The following TTLL5 variants were observed in gnomAD, a reference collection of about 807,000 sequenced individuals.
TTLL5 encodes tubulin tyrosine ligase like 5, also known as tubulin polyglutamylase TTLL5.
A neutral mutation model predicts 168.4 loss-of-function variants in TTLL5; 132 were observed. The ratio of observed to expected loss-of-function variants is 0.78; its 90% confidence interval spans 0.68 to 0.91. The LOEUF (loss-of-function observed/expected upper bound fraction) is 0.91. Ranked by LOEUF, TTLL5 falls within the 40% of genes least tolerant of loss-of-function variation. TTLL5 has a pLI of 0.00. For missense variants in TTLL5, 1,545 were observed against 1,581.5 expected (o/e 0.98, Z 0.39); for synonymous variants, 546 against 558.6 (o/e 0.98, Z 0.32).
At chr14:75,908,940 C>G (rs2033257299) in intron 31 of TTLL5, among the ~76,000 whole-genome samples, 1 of 151,996 alleles carries the variant, frequency 6.6e-6, no homozygotes, top group East Asian at 1.9e-4. Flanking sequence ...CAATGCACAG[C>G]TAATTTTTCA....
At chr14:75,725,723 A>G (rs1888151233) in intron 12 of TTLL5, among the ~76,000 whole-genome samples, 2 of 152,180 alleles carry the variant, frequency 1.3e-5, no homozygotes, top group African/African-American at 4.8e-5. Context: ...ATACTCAGGA[A>G]AAATGATATC....
chr14:75,727,206 G>A (rs758020729), intron 12 of TTLL5, among the ~76,000 whole-genome samples: 21 of 152,162 alleles, frequency 1.4e-4, no homozygotes, highest in African/African-American at 3.6e-4. Flanking sequence ...CAGAAGAACC[G>A]AAACCATATG....
intron 30 of TTLL5, 109 bp downstream of exon 30, chr14:75,883,011 A>C: frequency 8.4e-7 from 1 of 1,195,736 alleles, no homozygotes; most frequent in South Asian, 1.6e-5. Flanking sequence ...TGGAAACAAG[A>C]ACACCTGCTG....
chr14:75,881,787 A>T (rs1402076815), intron 29 of TTLL5, among the ~76,000 whole-genome samples: 1 of 152,208 alleles, frequency 6.6e-6, no homozygotes, highest in Non-Finnish European at 1.5e-5. Flanking sequence ...GCATGTTGAA[A>T]GCAGTATTAA....
chr14:75,816,976 T>TA (rs1894454813), intron 27 of TTLL5, among the ~76,000 whole-genome samples: 1 of 137,748 alleles, frequency 7.3e-6, no homozygotes, highest in African/African-American at 2.7e-5. Context: ...CCTGTCTTAT[T>TA]TTTTTTTTTT....
intron 13 of TTLL5, among the ~76,000 whole-genome samples, chr14:75,733,035 A>G (rs1888643201): frequency 1.3e-5 from 2 of 152,246 alleles, no homozygotes; most frequent in Admixed American, 1.3e-4. Flanking sequence ...TGAGAACTCT[A>G]GAGATTTATG....
At position 75,746,204 on chromosome 14, in the gene TTLL5, AG is replaced by A. The variant is rs1889599533; in HGVS notation, c.1487+624del. ...GTATCTGGACTCTTTTGTTCAGCGT[AG>A]TGTTTTTCATATTCATATGTGTTGG... On this transcript the variant is annotated intron_variant, in intron 17 of 31. Transcript: ENST00000298832. Among the ~76,000 whole-genome samples, 7 of 152,196 alleles carry A rather than the reference AG, an allele frequency of 4.6e-5. 1 individual carries two copies. In the South Asian group the frequency reaches 1.5e-3, roughly 32 times the overall value.
Position 75,677,388 on chromosome 14 carries a change from C to CT in TTLL5, c.182-4156dup, listed in dbSNP as rs1884247158. On this transcript the variant is annotated intron_variant, in intron 3 of 31. Coordinates refer to ENST00000298832, the MANE Select transcript of TTLL5 (RefSeq NM_015072.5). ...CTAGAGATTCTCTTTCTCTCTCTCT[C>CT]TCTTTTTTTTTTTTTTTTTTTTTTT... Among the ~76,000 whole-genome samples the CT allele has an allele frequency of 3.7e-5, 5 of 135,372 alleles. No homozygotes were observed. The East Asian group carries it at 6.3e-4, about 17-fold the overall frequency. 88.8% of individuals were successfully genotyped at this position (135,372 alleles called of 152,430 possible). A position where few individuals can be genotyped will look rare whatever the true frequency, so the allele number is the denominator to read the frequency against.
In TTLL5 at chr14:75,776,742, G is replaced by T; in HGVS notation, c.2284-5G>T. 1 of 1,612,260 alleles carries T rather than the reference G, an allele frequency of 6.2e-7. No homozygotes were observed. Among genetic ancestry groups the T allele is most frequent in the Non-Finnish European group, 8.5e-7 (1 of 1,178,888 alleles). On this transcript the variant is annotated splice_polypyrimidine_tract_variant and splice_region_variant and intron_variant, in intron 22 of 31. Transcript: ENST00000298832. ...GTTTTTCTGTGGGGTTTGGGCACTGGGTAGGAAACAGAACAAATGGCTGAA... is the reference window on the plus strand; with the variant it reads ...GTTTTTCTGTGGGGTTTGGGCACTGTGTAGGAAACAGAACAAATGGCTGAA...
At chr14:75,869,821 ATTTT>A in intron 29 of TTLL5, among the ~76,000 whole-genome samples, 1 of 82,426 alleles carries the variant, frequency 1.2e-5, no homozygotes, top group East Asian at 4.3e-4. Context: ...TTCAACAAGT[ATTTT>A]TTTTTTTTTT....
chr14:75,754,223 A>G (rs1890115045), intron 18 of TTLL5, among the ~76,000 whole-genome samples: 1 of 152,044 alleles, frequency 6.6e-6, no homozygotes, highest in Non-Finnish European at 1.5e-5. Flanking sequence ...TTGCTTTTCG[A>G]TTAGTTTTAG....
intron 7 of TTLL5, among the ~76,000 whole-genome samples, chr14:75,702,948 A>G (rs1367166369): frequency 6.6e-6 from 1 of 152,326 alleles, no homozygotes; most frequent in South Asian, 2.1e-4. Context: ...CTGGAATTTT[A>G]CCACCTTTTA....
At chr14:75,936,200 G>A (rs1301671619) in intron 31 of TTLL5, among the ~76,000 whole-genome samples, 2 of 151,766 alleles carry the variant, frequency 1.3e-5, no homozygotes, top group African/African-American at 4.8e-5. Context: ...TTCTTAAACT[G>A]CCATGTTTTT....
intron 31 of TTLL5, among the ~76,000 whole-genome samples, chr14:75,918,079 C>A (rs576832413): frequency 3.3e-5 from 5 of 152,130 alleles, no homozygotes; most frequent in Non-Finnish European, 5.9e-5. Context: ...CTGTTCCTAC[C>A]GGCATTGTGT....
At chr14:75,726,193 CTT>C (rs763033021) in intron 12 of TTLL5, among the ~76,000 whole-genome samples, 4 of 152,080 alleles carry the variant, frequency 2.6e-5, no homozygotes, top group Admixed American at 6.6e-5. Flanking sequence ...TTGAGAAAAT[CTT>C]TATTTCCTCC....
At chr14:75,778,562 C>T (rs923123798) in intron 23 of TTLL5, among the ~76,000 whole-genome samples, 6 of 152,074 alleles carry the variant, frequency 3.9e-5, no homozygotes, top group African/African-American at 7.2e-5. Flanking sequence ...TTAGGGTTTA[C>T]GCTGAGATTC....
chr14:75,851,118 G>T (rs1351232730), intron 28 of TTLL5, among the ~76,000 whole-genome samples: 10 of 101,322 alleles, frequency 9.9e-5, no homozygotes, highest in Admixed American at 7.7e-4. Context: ...AAAAAAAAAA[G>T]TTAATGGAAT....
chr14:75,877,818 A>G (rs2140007904), intron 29 of TTLL5, among the ~76,000 whole-genome samples: 1 of 152,342 alleles, frequency 6.6e-6, no homozygotes, highest in African/African-American at 2.4e-5. Flanking sequence ...GATTGGGGCC[A>G]GTACAGGACT....
Position 75,745,123 on chromosome 14 carries a change from C to A in TTLL5, c.1310C>A (p.Ala437Glu). The change falls in exon 16 of 32, where the codon GCG (alanine) becomes GAG (glutamate). Residue 437 changes from alanine (A) to glutamate (E), a missense_variant. By Grantham distance (107) the Ala-to-Glu change is moderately radical. Coordinates refer to ENST00000298832, the MANE Select transcript of TTLL5 (RefSeq NM_015072.5). ...QRCRPLSASD[A>E]EMKNLVGSAR... The stretch of plus-strand genomic sequence containing the variant: ...TGCCGTCCACTCTCTGCCAGTGATG[C>A]GGAAATGAAAAACCTCGTGGGCTCA... The A allele has an allele frequency of 6.2e-7, 1 of 1,613,752 alleles. No homozygotes were observed. The highest frequency in any genetic ancestry group is 2.2e-5 in the East Asian group (1 of 44,864).
Sources: allele counts gnomAD v4.1 joint callset (sites outside exome capture counted in the v4.1 genomes callset), GRCh38; gene constraint gnomAD v4.1.1; transcripts MANE v1.5; gene names NCBI Gene and HGNC (gene_info 2026-07-23, HGNC 2026-07-21).